Variants in ROBO1 observed in about 807,000 individuals in gnomAD.
ROBO1 encodes roundabout guidance receptor 1, also known as roundabout homolog 1.
Under a neutral mutation model 195.9 loss-of-function variants are expected in ROBO1, and 149 were observed. The ratio of observed to expected loss-of-function variants is 0.76; its 90% CI spans 0.67 to 0.87. ROBO1 has a LOEUF of 0.87. Ranked by LOEUF, ROBO1 falls within the 40% of genes least tolerant of loss-of-function variation. ROBO1 has a pLI of 0.00. For missense variants in ROBO1, 1,933 were observed against 2,068.3 expected, an observed-to-expected ratio of 0.93 and a Z score of 1.27; for synonymous variants, 816 against 733.2, an observed-to-expected ratio of 1.11 and a Z score of -1.82.
At chr3:79,306,931 G>A (rs2033249583) in intron 2 of ROBO1, among the ~76,000 whole-genome samples, 1 of 152,156 alleles carries the variant, frequency 6.6e-6, no homozygotes, top group Non-Finnish European at 1.5e-5. Flanking sequence ...ATTATTCAAG[G>A]GGAAATCTGT....
At chr3:78,924,673 T>C (rs2039114620) in intron 4 of ROBO1, among the ~76,000 whole-genome samples, 1 of 151,748 alleles carries the variant, frequency 6.6e-6, no homozygotes, top group South Asian at 2.2e-4. Context: ...TAAATTAACT[T>C]TTTTCCTACC....
At chr3:79,736,054 A>T (rs138910802) in intron 1 of ROBO1, among the ~76,000 whole-genome samples, 2 of 152,206 alleles carry the variant, frequency 1.3e-5, no homozygotes, top group East Asian at 1.9e-4. Flanking sequence ...TGTAAAAAAA[A>T]TTAAGTAAAT....
intron 2 of ROBO1, among the ~76,000 whole-genome samples, chr3:79,240,211 G>A (rs1370176355): frequency 1.3e-5 from 2 of 152,084 alleles, no homozygotes; most frequent in African/African-American, 4.8e-5. Flanking sequence ...CCACATAAAA[G>A]TAAAATCTCA....
chr3:78,782,320 C>T (rs1290542469), intron 4 of ROBO1, among the ~76,000 whole-genome samples: 3 of 151,968 alleles, frequency 2.0e-5, no homozygotes, highest in Non-Finnish European at 4.4e-5. Flanking sequence ...ACTCAGCCTC[C>T]CAAGTAGCTG....
chr3:79,411,731 G>A (rs1304549916), intron 2 of ROBO1, among the ~76,000 whole-genome samples: 1 of 152,146 alleles, frequency 6.6e-6, no homozygotes, highest in Non-Finnish European at 1.5e-5. Flanking sequence ...TATTGCAGAT[G>A]TGTGGAGCTT....
chr3:79,057,070 A>C (rs2078824012), intron 3 of ROBO1, among the ~76,000 whole-genome samples: 1 of 152,062 alleles, frequency 6.6e-6, no homozygotes. Context: ...CCAGAAAACA[A>C]ATTGTTTGAT....
intron 3 of ROBO1, among the ~76,000 whole-genome samples, chr3:78,956,703 G>A (rs2041067073): frequency 6.6e-6 from 1 of 152,138 alleles, no homozygotes; most frequent in South Asian, 2.1e-4. Context: ...GTGTACCTCT[G>A]AGCTGAAGAT....
intron 3 of ROBO1, among the ~76,000 whole-genome samples, chr3:78,999,538 G>T (rs760942185): frequency 6.6e-6 from 1 of 152,036 alleles, no homozygotes; most frequent in Non-Finnish European, 1.5e-5. Context: ...ATCAGTGACT[G>T]CCAGAGGGGA....
chr3:78,918,824 C>T (rs2038779901), intron 4 of ROBO1, among the ~76,000 whole-genome samples: 2 of 152,024 alleles, frequency 1.3e-5, no homozygotes, highest in South Asian at 4.1e-4. Flanking sequence ...ATACTCATAG[C>T]CCACAACCAT....
intron 2 of ROBO1, among the ~76,000 whole-genome samples, chr3:79,434,277 G>A (rs1356801739): frequency 1.3e-5 from 2 of 152,112 alleles, no homozygotes; most frequent in South Asian, 2.1e-4. Context: ...GAATGAACAG[G>A]CAACCTACAG....
At chr3:79,582,245 C>T (rs968620458) in intron 2 of ROBO1, among the ~76,000 whole-genome samples, 36 of 151,622 alleles carry the variant, frequency 2.4e-4, no homozygotes, top group African/African-American at 7.5e-4. Flanking sequence ...TCTCTATGGT[C>T]CTATTCAAAT....
intron 2 of ROBO1, among the ~76,000 whole-genome samples, chr3:79,214,984 CATTT>C (rs929825093): frequency 4.0e-5 from 6 of 151,890 alleles, no homozygotes; most frequent in African/African-American, 1.2e-4. Context: ...TTCAAAACCC[CATTT>C]GTTAGAAGAC....
chr3:79,551,265 C>T (rs1281675162), intron 2 of ROBO1, among the ~76,000 whole-genome samples: 2 of 151,232 alleles, frequency 1.3e-5, no homozygotes, highest in Non-Finnish European at 2.9e-5. Flanking sequence ...TATACATGTG[C>T]CATGCTGGTG....
intron 2 of ROBO1, among the ~76,000 whole-genome samples, chr3:79,126,316 AT>A (rs765801010): frequency 1.3e-5 from 2 of 152,130 alleles, no homozygotes; most frequent in Admixed American, 1.3e-4. Context: ...TAAAAAATGC[AT>A]TTTTTCTGTT....
intron 3 of ROBO1, among the ~76,000 whole-genome samples, chr3:79,071,486 G>A (rs1227430447): frequency 6.6e-6 from 1 of 151,462 alleles, no homozygotes; most frequent in African/African-American, 2.4e-5. Flanking sequence ...GGGGTGCTCT[G>A]GCTTTTTAAA....
In ROBO1 at chr3:79,707,924, C is replaced by G. The variant is rs1947822874; in HGVS notation, c.-51+59828G>C. 3.3e-5 allele frequency among the ~76,000 whole-genome samples: 5 copies of G among 152,228 alleles called. No individual in the cohort carries two copies. In the South Asian group the frequency reaches 1.0e-3, roughly 32 times the overall value. On this transcript the variant is annotated intron_variant, in intron 1 of 30. Coordinates refer to ENST00000464233, the MANE Select transcript of ROBO1 (RefSeq NM_002941.4). ...AATAACTAATCTTTAAATTTCAAAA[C>G]TAAGAAGAGTATAACATAACTTATA... is the stretch of plus-strand genomic sequence containing the variant.
chr3:78,600,068 A>C, intron 30 of ROBO1, 45 bp downstream of exon 30: 8 of 1,500,350 alleles, frequency 5.3e-6, no homozygotes, highest in Non-Finnish European at 7.4e-6. Context: ...TACATAAAAC[A>C]ACCACAGTCT....
chr3:78,714,982 T>C (rs533565732), intron 7 of ROBO1: 1 of 152,760 alleles, frequency 6.5e-6, no homozygotes, highest in East Asian at 1.9e-4. Flanking sequence ...CCTCATCTAG[T>C]TCGGTGGCAG....
At chr3:79,515,795 A>T (rs967230834) in intron 2 of ROBO1, among the ~76,000 whole-genome samples, 2 of 152,198 alleles carry the variant, frequency 1.3e-5, no homozygotes, top group Non-Finnish European at 2.9e-5. Context: ...GAATCATAAA[A>T]TGTTCATGCA....
Sources: gnomAD v4.1 joint callset for allele counts (sites outside exome capture counted in the v4.1 genomes callset) on GRCh38, gnomAD v4.1.1 for gene constraint, MANE v1.5 for transcripts, NCBI Gene and HGNC (gene_info 2026-07-23, HGNC 2026-07-21) for gene names.